Variants in HS3ST3A1 observed in about 807,000 individuals in gnomAD.
HS3ST3A1 encodes the protein heparan sulfate glucosamine 3-O-sulfotransferase 3A1.
In HS3ST3A1, 19 loss-of-function variants were observed where a neutral mutation model predicts 25.7. The ratio of observed to expected loss-of-function variants is 0.74; its 90% confidence interval spans 0.52 to 1.08. The LOEUF is 1.08. Ranked by LOEUF, HS3ST3A1 falls within the 50% of genes least tolerant of loss-of-function variation. HS3ST3A1 has a pLI of 0.00. For missense variants in HS3ST3A1, 459 were observed against 594.3 expected, an observed-to-expected ratio of 0.77 and a Z score of 2.37; for synonymous variants, 226 against 278.6, an observed-to-expected ratio of 0.81 and a Z score of 1.88.
chr17:13,534,360 C>T (rs1906702639), intron 1 of HS3ST3A1, among the ~76,000 whole-genome samples: 1 of 151,886 alleles, frequency 6.6e-6, no homozygotes, highest in East Asian at 1.9e-4. Flanking sequence ...ACAGAGCAGA[C>T]TCTCAACACA....
intron 1 of HS3ST3A1, among the ~76,000 whole-genome samples, chr17:13,547,962 A>AAAC (rs1567620558): frequency 7.3e-5 from 11 of 149,980 alleles, no homozygotes; most frequent in African/African-American, 2.7e-4. Flanking sequence ...AAAAAAAAAA[A>AAAC]ACCACACGTT....
chr17:13,563,005 A>G (rs1020952840), intron 1 of HS3ST3A1, among the ~76,000 whole-genome samples: 11 of 151,722 alleles, frequency 7.3e-5, no homozygotes, highest in African/African-American at 2.7e-4. Flanking sequence ...ATTGAGTCAG[A>G]CGTAAAGGGG....
chr17:13,543,309 G>A (rs1179974231), intron 1 of HS3ST3A1, among the ~76,000 whole-genome samples: 1 of 152,170 alleles, frequency 6.6e-6, no homozygotes, highest in Non-Finnish European at 1.5e-5. Flanking sequence ...GCTGTCTACA[G>A]GTTGATGGTG....
At chr17:13,586,094 G>C (rs546834949) in intron 1 of HS3ST3A1, among the ~76,000 whole-genome samples, 1 of 151,598 alleles carries the variant, frequency 6.6e-6, no homozygotes, top group Non-Finnish European at 1.5e-5. Flanking sequence ...TGATCCGCCC[G>C]CCTCAGCCTC....
chr17:13,529,217 G>A (rs1208099149), intron 1 of HS3ST3A1, among the ~76,000 whole-genome samples: 1 of 152,096 alleles, frequency 6.6e-6, no homozygotes, highest in Non-Finnish European at 1.5e-5. Flanking sequence ...CTTGTCCCAT[G>A]GTACAGTTAA....
At chr17:13,501,526 C>T (rs1905475979) in intron 1 of HS3ST3A1, among the ~76,000 whole-genome samples, 1 of 152,060 alleles carries the variant, frequency 6.6e-6, no homozygotes, top group Admixed American at 6.6e-5. Flanking sequence ...AAGGGAAATA[C>T]AATAATTTAT....
At chr17:13,554,022 T>C (rs1310153409) in intron 1 of HS3ST3A1, among the ~76,000 whole-genome samples, 2 of 151,860 alleles carry the variant, frequency 1.3e-5, no homozygotes, top group Non-Finnish European at 2.9e-5. Flanking sequence ...GACACAAAGG[T>C]AAGGGAGTGA....
chr17:13,496,933 T>TG, intron 1 of HS3ST3A1, 115 bp from the exon 2 acceptor site: 1 of 1,415,596 alleles, frequency 7.1e-7, no homozygotes, highest in Non-Finnish European at 9.5e-7. Context: ...ACCCCCCACT[T>TG]GCTAGACATC....
At chr17:13,569,456 G>A (rs1239948178) in intron 1 of HS3ST3A1, among the ~76,000 whole-genome samples, 2 of 152,144 alleles carry the variant, frequency 1.3e-5, no homozygotes, top group Non-Finnish European at 2.9e-5. Context: ...ACAGAGGCTA[G>A]GCATCCAAGC....
In HS3ST3A1 at chr17:13,560,115, C is replaced by A. The variant is rs187884252; in HGVS notation, c.599+40416G>T. On this transcript the variant is annotated intron_variant, in intron 1 of 1. Coordinates refer to ENST00000284110, the MANE Select transcript of HS3ST3A1 (RefSeq NM_006042.3). ...GACCAGCCTGGCCAACATGGTGAAA[C>A]CCCATCTCTACTAAAAATACAAAAA... is the stretch of plus-strand genomic sequence containing the variant. 6.1e-3 allele frequency among the ~76,000 whole-genome samples: 926 copies of A among 151,138 alleles called. 13 individuals carry two copies. Among genetic ancestry groups the A allele is most frequent in the African/African-American group, 0.02 (803 of 41,172 alleles).
chr17:13,524,356 C>G (rs1906342256), intron 1 of HS3ST3A1, among the ~76,000 whole-genome samples: 1 of 152,094 alleles, frequency 6.6e-6, no homozygotes, highest in Non-Finnish European at 1.5e-5. Flanking sequence ...CTCCAGGGCT[C>G]AAGCGATCCT....
At chr17:13,531,126 G>A (rs1337345205) in intron 1 of HS3ST3A1, among the ~76,000 whole-genome samples, 2 of 152,152 alleles carry the variant, frequency 1.3e-5, no homozygotes, top group African/African-American at 4.8e-5. Flanking sequence ...TAGGGAATAA[G>A]CACAAAAAGA....
chr17:13,523,491 G>A (rs1906313581), intron 1 of HS3ST3A1, among the ~76,000 whole-genome samples: 1 of 152,216 alleles, frequency 6.6e-6, no homozygotes, highest in African/African-American at 2.4e-5. Context: ...GTGATCTATG[G>A]TGTTGAATAT....
At chr17:13,585,508 CTT>C (rs71144978) in intron 1 of HS3ST3A1, among the ~76,000 whole-genome samples, 60 of 146,694 alleles carry the variant, frequency 4.1e-4, no homozygotes, top group Middle Eastern at 3.6e-3. Flanking sequence ...CCCTATTCTC[CTT>C]TTTTTTTTTT....
At chr17:13,573,842 G>A (rs944746741) in intron 1 of HS3ST3A1, among the ~76,000 whole-genome samples, 2 of 152,140 alleles carry the variant, frequency 1.3e-5, no homozygotes, top group South Asian at 4.1e-4. Flanking sequence ...GTGGAGTTAC[G>A]GGCACAGGGG....
chr17:13,581,333 G>A (rs901340198), intron 1 of HS3ST3A1, among the ~76,000 whole-genome samples: 2 of 152,058 alleles, frequency 1.3e-5, no homozygotes, highest in Middle Eastern at 3.4e-3. Flanking sequence ...TGGGTGTGGT[G>A]GCACGCACCT....
intron 1 of HS3ST3A1, among the ~76,000 whole-genome samples, chr17:13,593,898 G>A (rs557733414): frequency 1.3e-4 from 20 of 152,222 alleles, no homozygotes; most frequent in African/African-American, 4.8e-4. Context: ...CATTTCCCCA[G>A]TTTTCCCATA....
At position 13,514,945 on chromosome 17, in the gene HS3ST3A1, A is replaced by T. The variant is rs1165038320; in HGVS notation, c.600-18127T>A. Among the ~76,000 whole-genome samples, 7 of 152,298 alleles carry T rather than the reference A, an allele frequency of 4.6e-5. No individual in the cohort carries two copies. In the South Asian group the frequency reaches 1.2e-3, roughly 27 times the overall value. On this transcript the variant is annotated intron_variant, in intron 1 of 1. Transcript: ENST00000284110. ...AATTTATATCAATAAAAGCCATATA[A>T]TTTTCCTAGATTAATGAACTATATG...
At chr17:13,496,925 C>T in intron 1 of HS3ST3A1, 107 bp from the exon 2 acceptor site, 2 of 1,458,524 alleles carry the variant, frequency 1.4e-6, no homozygotes, top group Non-Finnish European at 1.8e-6. Flanking sequence ...CCCCCGCAAC[C>T]CCCCACTTGC....
Sources: allele counts gnomAD v4.1 joint callset (sites outside exome capture counted in the v4.1 genomes callset), GRCh38; gene constraint gnomAD v4.1.1; transcripts MANE v1.5; gene names NCBI Gene and HGNC (gene_info 2026-07-23, HGNC 2026-07-21).